The following SIK3 variants were observed in gnomAD, a reference collection of about 807,000 sequenced individuals.
SIK3 encodes SIK family kinase 3.
Under a neutral mutation model 144.2 loss-of-function variants are expected in SIK3, and 28 were observed. That is an observed-to-expected ratio of 0.19 (90% confidence interval 0.14 to 0.27). The LOEUF (loss-of-function observed/expected upper bound fraction) is 0.27, where lower values mean the gene tolerates loss of function less well. Among genes scored for constraint, SIK3 ranks in the 10% least tolerant of loss-of-function variants. The pLI is 1.00. For missense variants in SIK3, 1,319 were observed against 1,776.0 expected (o/e 0.74, Z 4.62); for synonymous variants, 686 against 676.3 (o/e 1.01, Z -0.22).
chr11:116,985,311 C>G (rs1950290764), intron 1 of SIK3, among the ~76,000 whole-genome samples: 2 of 152,108 alleles, frequency 1.3e-5, no homozygotes, highest in South Asian at 4.1e-4. Flanking sequence ...ATGATGCTGG[C>G]TGTGGGTTTG....
rs946640889 is a variant in SIK3, at chr11:116,887,349, G to C, written c.865+8904C>G. Among the ~76,000 whole-genome samples, 3 of 151,882 alleles carry C rather than the reference G, an allele frequency of 2.0e-5. 1 individual carries two copies. The highest frequency in any genetic ancestry group is 2.0e-4 in the Admixed American group (3 of 15,242). On this transcript the variant is annotated intron_variant, in intron 6 of 24. Coordinates refer to ENST00000445177, the MANE Select transcript of SIK3 (RefSeq NM_001366686.3). ...TACAAGAGTCTGGCAGGGCACGGTGGCTCACGTCTGTAATCCCAGCACTTT... is the reference window on the plus strand; with the variant it reads ...TACAAGAGTCTGGCAGGGCACGGTGCCTCACGTCTGTAATCCCAGCACTTT...
chr11:117,087,033 A>C (rs180851152), intron 1 of SIK3, among the ~76,000 whole-genome samples: 123 of 151,684 alleles, frequency 8.1e-4, no homozygotes, highest in Non-Finnish European at 1.5e-3. Context: ...TTGGGTGATC[A>C]AGAGTCTGTT....
At chr11:116,860,270 G>T (rs540298949) in intron 19 of SIK3, among the ~76,000 whole-genome samples, 1 of 151,914 alleles carries the variant, frequency 6.6e-6, no homozygotes, top group East Asian at 1.9e-4. Context: ...GACTCTAACA[G>T]GTCTGGAATA....
At chr11:116,915,877 A>C (rs7952666) in intron 4 of SIK3, among the ~76,000 whole-genome samples, 2,031 of 152,296 alleles carry the variant, frequency 0.013, 47 homozygotes, top group African/African-American at 0.046. Context: ...ACAATGAAAA[A>C]CTGTACCCTG....
chr11:117,062,885 AAAAT>A (rs1320942948), intron 1 of SIK3, among the ~76,000 whole-genome samples: 4 of 152,366 alleles, frequency 2.6e-5, no homozygotes, highest in African/African-American at 9.6e-5. Context: ...ACTAAGAACT[AAAAT>A]ACATCAGACA....
At chr11:116,910,908 T>C (rs1053495618) in intron 4 of SIK3, among the ~76,000 whole-genome samples, 1 of 152,148 alleles carries the variant, frequency 6.6e-6, no homozygotes, top group South Asian at 2.1e-4. Flanking sequence ...TTTGAAGTTT[T>C]AGAATGCAGT....
At chr11:117,013,779 CA>C (rs1951373829) in intron 1 of SIK3, among the ~76,000 whole-genome samples, 1 of 149,462 alleles carries the variant, frequency 6.7e-6, no homozygotes, top group African/African-American at 2.5e-5. Context: ...ATACTTAAGC[CA>C]ATCCCTTATT....
Position 117,035,996 on chromosome 11 carries a change from T to C in SIK3, c.273+62147A>G. ...GCTCTGCACCAGGCGTTTCTTCTTG[T>C]GTTTCCTCTTCTCCTTTTCTGGAGA... On this transcript the variant is annotated intron_variant, in intron 1 of 24. Coordinates refer to ENST00000445177, the MANE Select transcript of SIK3 (RefSeq NM_001366686.3). 1.2e-5 allele frequency: 18 copies of C among 1,546,062 alleles called. No individual in the cohort carries two copies. In the South Asian group the frequency reaches 1.5e-4, roughly 12 times the overall value.
At chr11:116,964,652 A>G (rs1360800281) in intron 1 of SIK3, among the ~76,000 whole-genome samples, 1 of 152,092 alleles carries the variant, frequency 6.6e-6, no homozygotes, top group Non-Finnish European at 1.5e-5. Context: ...AGGCCGAGGT[A>G]GGCAGATCAC....
chr11:117,040,947 C>T (rs570862721), intron 1 of SIK3, among the ~76,000 whole-genome samples: 34 of 116,766 alleles, frequency 2.9e-4, no homozygotes, highest in Middle Eastern at 5.1e-3. Flanking sequence ...TTACCTGCCT[C>T]CTTTTTTTTT....
chr11:117,038,198 C>G (rs77393043), intron 1 of SIK3, among the ~76,000 whole-genome samples: 2 of 152,246 alleles, frequency 1.3e-5, no homozygotes, highest in East Asian at 3.9e-4. Context: ...CCTTCTCCCC[C>G]TCTTCCAAGC....
intron 6 of SIK3, among the ~76,000 whole-genome samples, chr11:116,889,121 G>C (rs865942718): frequency 7.9e-5 from 12 of 152,282 alleles, no homozygotes; most frequent in South Asian, 4.1e-4. Flanking sequence ...TTTGAATACT[G>C]ACCTAGTTAC....
rs528894267 is a variant in SIK3, at chr11:117,027,612, G to A, written c.273+70531C>T. On this transcript the variant is annotated intron_variant, in intron 1 of 24. Transcript: ENST00000445177. ...CGAGTAGCTGGGATTACACGCGCCCGCCACCATGCCCAGCTAACTTTTGTA... is the reference window on the plus strand; with the variant it reads ...CGAGTAGCTGGGATTACACGCGCCCACCACCATGCCCAGCTAACTTTTGTA... Among the ~76,000 whole-genome samples, 30 of 151,994 alleles carry A rather than the reference G, an allele frequency of 2.0e-4. No individual in the cohort carries two copies. In the South Asian group the frequency reaches 2.7e-3, roughly 14 times the overall value.
At chr11:117,085,902 G>A (rs1017260424) in intron 1 of SIK3, among the ~76,000 whole-genome samples, 8 of 152,100 alleles carry the variant, frequency 5.3e-5, no homozygotes, top group African/African-American at 1.2e-4. Context: ...GCAGTGAGCC[G>A]AGATCATGCC....
intron 4 of SIK3, among the ~76,000 whole-genome samples, chr11:116,915,643 T>C (rs994925901): frequency 6.6e-6 from 1 of 152,186 alleles, no homozygotes. Flanking sequence ...TGTGTATGTA[T>C]GTAATGTAAC....
intron 1 of SIK3, among the ~76,000 whole-genome samples, chr11:116,961,729 G>A (rs999643235): frequency 1.9e-4 from 29 of 152,066 alleles, no homozygotes; most frequent in African/African-American, 6.8e-4. Flanking sequence ...ATCTTCCAAA[G>A]AGCATGATTT....
At chr11:117,097,168 T>C (rs2134114807) in intron 1 of SIK3, among the ~76,000 whole-genome samples, 1 of 152,266 alleles carries the variant, frequency 6.6e-6, no homozygotes, top group African/African-American at 2.4e-5. Flanking sequence ...TTTACATGCA[T>C]ACATATATAG....
chr11:117,044,913 T>C (rs1952892844), intron 1 of SIK3, among the ~76,000 whole-genome samples: 1 of 152,110 alleles, frequency 6.6e-6, no homozygotes, highest in Admixed American at 6.6e-5. Context: ...TCAGTCAAAC[T>C]ATCCGATACT....
chr11:116,967,756 G>A (rs941861271), intron 1 of SIK3, among the ~76,000 whole-genome samples: 8 of 152,170 alleles, frequency 5.3e-5, no homozygotes, highest in African/African-American at 1.7e-4. Flanking sequence ...GTGAAATCAT[G>A]CATTTCTTGT....
Sources: gnomAD v4.1 joint callset for allele counts (sites outside exome capture counted in the v4.1 genomes callset) on GRCh38, gnomAD v4.1.1 for gene constraint, MANE v1.5 for transcripts, NCBI Gene and HGNC (gene_info 2026-07-23, HGNC 2026-07-21) for gene names.